The following SMYD3 variants were observed in gnomAD, a reference collection of about 807,000 sequenced individuals.
The protein encoded by SMYD3 is SET and MYND domain containing 3, also known as histone-lysine N-methyltransferase SMYD3.
A neutral mutation model predicts 57.7 loss-of-function variants in SMYD3; 36 were observed. The ratio of observed to expected loss-of-function variants is 0.62; its 90% CI spans 0.48 to 0.82. The LOEUF (loss-of-function observed/expected upper bound fraction) is 0.82, where lower values mean the gene tolerates loss of function less well. Among genes scored for constraint, SMYD3 ranks in the 40% least tolerant of loss-of-function variants. SMYD3 has a pLI of 0.00. For missense variants in SMYD3, 515 were observed against 538.8 expected, an observed-to-expected ratio of 0.96 and a Z score of 0.44; for synonymous variants, 211 against 195.0, an observed-to-expected ratio of 1.08 and a Z score of -0.68.
chr1:246,335,331 C>A (rs1338724878), intron 3 of SMYD3, 36 bp downstream of exon 3: 7 of 1,585,022 alleles, frequency 4.4e-6, no homozygotes, highest in Non-Finnish European at 3.5e-6. Flanking sequence ...TTTATTTAAC[C>A]AAAACCCAGC....
intron 5 of SMYD3, among the ~76,000 whole-genome samples, chr1:246,189,635 A>G (rs1264478458): frequency 6.6e-6 from 1 of 152,210 alleles, no homozygotes; most frequent in Non-Finnish European, 1.5e-5. Context: ...CTATTTCCCT[A>G]CAAATGGGTG....
At chr1:245,808,077 A>G (rs190204080) in intron 10 of SMYD3, among the ~76,000 whole-genome samples, 107 of 152,314 alleles carry the variant, frequency 7.0e-4, no homozygotes, top group Middle Eastern at 3.4e-3. Context: ...ATAACCCAGG[A>G]CGGCCCCCAG....
At chr1:245,798,423 C>CACACA (rs1491336980) in intron 10 of SMYD3, among the ~76,000 whole-genome samples, 1 of 15,058 alleles carries the variant, frequency 6.6e-5, no homozygotes, top group Non-Finnish European at 2.0e-4. Context: ...CACATACACA[C>CACACA]CCCCACACAC....
At chr1:246,394,270 T>C (rs1407372319) in intron 1 of SMYD3, among the ~76,000 whole-genome samples, 1 of 152,232 alleles carries the variant, frequency 6.6e-6, no homozygotes, top group Non-Finnish European at 1.5e-5. Flanking sequence ...TAAGTATTCA[T>C]TTCCTTTAAG....
At chr1:246,464,523 AG>A (rs2067854147) in intron 1 of SMYD3, among the ~76,000 whole-genome samples, 1 of 152,214 alleles carries the variant, frequency 6.6e-6, no homozygotes, top group East Asian at 1.9e-4. Context: ...TCTCAAAAAA[AG>A]GTATACAAGA....
chr1:246,090,398 A>G (rs1386322450), intron 5 of SMYD3, among the ~76,000 whole-genome samples: 1 of 152,140 alleles, frequency 6.6e-6, no homozygotes, highest in Admixed American at 6.5e-5. Flanking sequence ...AGAAACAGAG[A>G]GAACACCATC....
intron 1 of SMYD3, among the ~76,000 whole-genome samples, chr1:246,415,013 G>A (rs564551877): frequency 1.3e-5 from 2 of 152,228 alleles, no homozygotes; most frequent in Admixed American, 6.5e-5. Flanking sequence ...CACCGCGCCC[G>A]GCTGGAGCCA....
At chr1:245,887,475 G>T (rs2053149719) in intron 8 of SMYD3, among the ~76,000 whole-genome samples, 2 of 152,064 alleles carry the variant, frequency 1.3e-5, no homozygotes, top group African/African-American at 4.8e-5. Flanking sequence ...TTCACTTTTT[G>T]GACTCGCCCT....
chr1:246,048,410 G>A (rs1174565553), intron 5 of SMYD3, among the ~76,000 whole-genome samples: 2 of 152,142 alleles, frequency 1.3e-5, no homozygotes, highest in Non-Finnish European at 2.9e-5. Flanking sequence ...AAGGGCCAGT[G>A]TGCAAAGCTG....
At position 246,239,389 on chromosome 1, in the gene SMYD3, T is replaced by A. The variant is rs11576290; in HGVS notation, c.531+87812A>T. ...TGCGGTAGTTTGCTAAGAATGATGG[T>A]TTCCAGCTTCATCCATGTCCCTACA... On this transcript the variant is annotated intron_variant, in intron 5 of 11. Transcript: ENST00000490107. Among the ~76,000 whole-genome samples, 30 of 152,270 alleles carry A rather than the reference T, an allele frequency of 2.0e-4. 2 individuals carry two copies. In the East Asian group the frequency reaches 2.1e-3, roughly 11 times the overall value.
intron 1 of SMYD3, among the ~76,000 whole-genome samples, chr1:246,417,947 A>C (rs1162602762): frequency 6.6e-6 from 1 of 152,212 alleles, no homozygotes; most frequent in Non-Finnish European, 1.5e-5. Flanking sequence ...AGGAATGAGC[A>C]GATAGTCAGC....
At chr1:246,158,564 A>G (rs1284187753) in intron 5 of SMYD3, among the ~76,000 whole-genome samples, 2 of 152,126 alleles carry the variant, frequency 1.3e-5, no homozygotes, top group African/African-American at 4.8e-5. Context: ...TTTTATATTT[A>G]CTCTTTTTTA....
Position 245,764,140 on chromosome 1 carries a change from G to A in SMYD3, c.1086C>T (p.Phe362=), listed in dbSNP as rs1558312319. The part of the protein sequence containing the change: ...TRTMEPYRIF[F]PGSHPVRGVQ... ...CCCCTCTGACGGGATGGCTTCCTGG[G>A]AAAAAAATCCTGGAAGAAACCAAAC... Residue 362 remains phenylalanine (F), a synonymous_variant, in exon 11 of 12, where the codon TTC becomes TTT. Transcript: ENST00000490107. 6.2e-7 allele frequency: 1 copy of A among 1,613,296 alleles called. No individual in the cohort carries two copies. The highest frequency in any genetic ancestry group is 1.7e-5 in the Admixed American group (1 of 59,926).
intron 8 of SMYD3, among the ~76,000 whole-genome samples, chr1:245,890,291 A>C (rs1268861188): frequency 1.3e-5 from 2 of 152,194 alleles, no homozygotes; most frequent in Non-Finnish European, 2.9e-5. Context: ...AAGTAAAGAG[A>C]CAACCCACAG....
chr1:245,864,026 T>C, intron 8 of SMYD3, 140 bp from the exon 9 acceptor site: 1 of 716,280 alleles, frequency 1.4e-6, no homozygotes, highest in Non-Finnish European at 2.3e-6. Flanking sequence ...GGGAAATATA[T>C]AAAGCAAAAC....
intron 5 of SMYD3, among the ~76,000 whole-genome samples, chr1:245,961,631 C>T (rs1268004198): frequency 1.3e-5 from 2 of 151,728 alleles, no homozygotes; most frequent in African/African-American, 4.8e-5. Context: ...TTTTTTTTCC[C>T]CACTCCAGCT....
chr1:245,929,206 C>A (rs1451309619), intron 6 of SMYD3, among the ~76,000 whole-genome samples: 1 of 152,204 alleles, frequency 6.6e-6, no homozygotes, highest in African/African-American at 2.4e-5. Flanking sequence ...AACCACCTAC[C>A]AGTAGACCTG....
intron 5 of SMYD3, among the ~76,000 whole-genome samples, chr1:246,121,641 A>T (rs1458228936): frequency 6.6e-6 from 1 of 152,146 alleles, no homozygotes; most frequent in African/African-American, 2.4e-5. Context: ...TCATGTCCTA[A>T]AATTAATAGC....
chr1:246,043,532 T>C (rs955013753), intron 5 of SMYD3, among the ~76,000 whole-genome samples: 5 of 152,158 alleles, frequency 3.3e-5, no homozygotes, highest in African/African-American at 1.2e-4. Context: ...GGGACATGAG[T>C]GTGGCTCTCA....
Sources: gnomAD v4.1 joint callset for allele counts (sites outside exome capture counted in the v4.1 genomes callset) on GRCh38, gnomAD v4.1.1 for gene constraint, MANE v1.5 for transcripts, NCBI Gene and HGNC (gene_info 2026-07-23, HGNC 2026-07-21) for gene names.